MSRA: variants seen among roughly 807,000 people sequenced by gnomAD.
MSRA encodes the protein methionine sulfoxide reductase A, also known as mitochondrial peptide methionine sulfoxide reductase.
In MSRA, 54 loss-of-function variants were observed where a neutral mutation model predicts 31.3. The ratio of observed to expected loss-of-function variants is 1.73; its 90% confidence interval spans 1.39 to 2.17. The LOEUF is 2.17. Among genes scored for constraint, MSRA ranks in the 30% most tolerant of loss-of-function variants. The pLI is 0.00. For missense variants in MSRA, 507 were observed against 300.9 expected, an observed-to-expected ratio of 1.69 and a Z score of -5.07; for synonymous variants, 169 against 116.5, an observed-to-expected ratio of 1.45 and a Z score of -2.90.
chr8:10,065,187 A>G (rs754910294), intron 1 of MSRA, among the ~76,000 whole-genome samples: 7 of 152,072 alleles, frequency 4.6e-5, no homozygotes, highest in Non-Finnish European at 7.4e-5. Context: ...GTGCATCAGC[A>G]TGAAGGAGTG....
chr8:10,403,587 C>T (rs1017410954), intron 5 of MSRA, among the ~76,000 whole-genome samples: 1 of 152,188 alleles, frequency 6.6e-6, no homozygotes, highest in Non-Finnish European at 1.5e-5. Context: ...TCAGGTGTCC[C>T]GTGGGGAAAA....
intron 1 of MSRA, among the ~76,000 whole-genome samples, chr8:10,142,076 A>T (rs918155730): frequency 4.6e-5 from 7 of 152,168 alleles, no homozygotes; most frequent in Non-Finnish European, 8.8e-5. Context: ...CTCCTGTCTC[A>T]GACTGCCGAG....
intron 2 of MSRA, among the ~76,000 whole-genome samples, chr8:10,235,612 G>A (rs529846050): frequency 2.0e-5 from 3 of 152,192 alleles, no homozygotes; most frequent in Non-Finnish European, 4.4e-5. Flanking sequence ...GCTCTGCAAC[G>A]AAAACCTCTA....
chr8:10,287,566 TGTTAC>T (rs1800001954), intron 3 of MSRA, among the ~76,000 whole-genome samples: 1 of 152,190 alleles, frequency 6.6e-6, no homozygotes, highest in Non-Finnish European at 1.5e-5. Context: ...CTCTGGTGTT[TGTTAC>T]TGAGAGAACC....
At chr8:10,099,684 C>A (rs912938452) in intron 1 of MSRA, among the ~76,000 whole-genome samples, 1 of 152,160 alleles carries the variant, frequency 6.6e-6, no homozygotes, top group African/African-American at 2.4e-5. Context: ...TATCTTGTTT[C>A]TCTGTTGCTG....
At chr8:10,133,120 C>T (rs1423366894) in intron 1 of MSRA, among the ~76,000 whole-genome samples, 1 of 152,184 alleles carries the variant, frequency 6.6e-6, no homozygotes, top group Non-Finnish European at 1.5e-5. Flanking sequence ...GGTCTGGTTC[C>T]TGGATCAATT....
chr8:10,274,742 C>T (rs1236932384), intron 3 of MSRA, among the ~76,000 whole-genome samples: 1 of 152,076 alleles, frequency 6.6e-6, no homozygotes, highest in Non-Finnish European at 1.5e-5. Context: ...TCTGTACACC[C>T]ACCCACTCAC....
chr8:10,279,901 T>A (rs2129106391), intron 3 of MSRA, among the ~76,000 whole-genome samples: 1 of 152,332 alleles, frequency 6.6e-6, no homozygotes, highest in East Asian at 1.9e-4. Context: ...GTGCATTAAA[T>A]GTGGCAAATC....
At chr8:10,066,769 A>G (rs1302943556) in intron 1 of MSRA, among the ~76,000 whole-genome samples, 1 of 152,082 alleles carries the variant, frequency 6.6e-6, no homozygotes, top group East Asian at 1.9e-4. Context: ...TCCTGACCTC[A>G]GGTGATCCGC....
At chr8:10,426,902 G>A (rs1040946961) in intron 5 of MSRA, among the ~76,000 whole-genome samples, 30 of 152,126 alleles carry the variant, frequency 2.0e-4, no homozygotes, top group Admixed American at 1.5e-3. Flanking sequence ...AAGAAAACTG[G>A]CTGCCTCTGA....
intron 1 of MSRA, among the ~76,000 whole-genome samples, chr8:10,071,890 G>A (rs1797749522): frequency 6.6e-6 from 1 of 152,142 alleles, no homozygotes; most frequent in African/African-American, 2.4e-5. Context: ...AACACAGTCA[G>A]GTAGTCGAGG....
intron 3 of MSRA, among the ~76,000 whole-genome samples, chr8:10,269,730 A>C (rs926233469): frequency 6.6e-6 from 1 of 152,104 alleles, no homozygotes; most frequent in African/African-American, 2.4e-5. Context: ...GGCTCACTGC[A>C]AGCTCCACCT....
chr8:10,152,729 A>T (rs569358826), intron 1 of MSRA, among the ~76,000 whole-genome samples: 12 of 152,240 alleles, frequency 7.9e-5, no homozygotes, highest in Non-Finnish European at 1.0e-4. Flanking sequence ...CTTCATGTTC[A>T]CAGCAGCAGT....
chr8:10,305,025 G>A (rs960472907), intron 4 of MSRA, among the ~76,000 whole-genome samples: 1 of 152,204 alleles, frequency 6.6e-6, no homozygotes, highest in African/African-American at 2.4e-5. Context: ...ATGCGCCCAG[G>A]AAACATGATT....
chr8:10,301,005 G>T (rs1309697255), intron 3 of MSRA, among the ~76,000 whole-genome samples: 1 of 151,948 alleles, frequency 6.6e-6, no homozygotes, highest in Admixed American at 6.6e-5. Context: ...TCTGACCCTT[G>T]TCCCAGTGTT....
chr8:10,416,276 C>G (rs1808453540), intron 5 of MSRA, among the ~76,000 whole-genome samples: 1 of 152,234 alleles, frequency 6.6e-6, no homozygotes, highest in South Asian at 2.1e-4. Flanking sequence ...GAGATTCATT[C>G]ATGAAGTGAA....
At chr8:10,334,617 G>A (rs983048151) in intron 5 of MSRA, among the ~76,000 whole-genome samples, 1 of 152,096 alleles carries the variant, frequency 6.6e-6, no homozygotes, top group Non-Finnish European at 1.5e-5. Context: ...TTGCATTTCC[G>A]CCACCGAGGC....
At chr8:10,354,840 A>T (rs1223924980) in intron 5 of MSRA, among the ~76,000 whole-genome samples, 1 of 151,366 alleles carries the variant, frequency 6.6e-6, no homozygotes, top group Non-Finnish European at 1.5e-5. Flanking sequence ...GAATGGATAT[A>T]CCATAGCTTA....
intron 1 of MSRA, among the ~76,000 whole-genome samples, chr8:10,134,226 A>T (rs76675074): frequency 2.4e-4 from 36 of 152,144 alleles, no homozygotes; most frequent in African/African-American, 6.3e-4. Flanking sequence ...GCACCTTTCT[A>T]TTGTTTCACT....
Sources: gnomAD v4.1 joint callset for allele counts (sites outside exome capture counted in the v4.1 genomes callset) on GRCh38, gnomAD v4.1.1 for gene constraint, MANE v1.5 for transcripts, NCBI Gene and HGNC (gene_info 2026-07-23, HGNC 2026-07-21) for gene names.